ATP8A1: variants seen among roughly 807,000 people sequenced by gnomAD.
ATP8A1 encodes the protein ATPase phospholipid transporting 8A1.
In ATP8A1, 90 loss-of-function variants were observed where a neutral mutation model predicts 177.7. That is an observed-to-expected ratio of 0.51 (90% confidence interval 0.43 to 0.60). The LOEUF (loss-of-function observed/expected upper bound fraction) is 0.60. Among genes scored for constraint, ATP8A1 ranks in the 20% least tolerant of loss-of-function variants. The probability of loss-of-function intolerance (pLI) is 0.00; values close to 1 mark genes in which losing one functional copy is unlikely to be tolerated. For missense variants in ATP8A1, 1,072 were observed against 1,392.8 expected, an observed-to-expected ratio of 0.77 and a Z score of 3.67; for synonymous variants, 493 against 485.9, an observed-to-expected ratio of 1.01 and a Z score of -0.19.
At chr4:42,617,626 A>T (rs1477909433) in intron 4 of ATP8A1, among the ~76,000 whole-genome samples, 1 of 152,224 alleles carries the variant, frequency 6.6e-6, no homozygotes, top group Non-Finnish European at 1.5e-5. Context: ...AGATATTCAA[A>T]GGAGGCACAA....
intron 14 of ATP8A1, among the ~76,000 whole-genome samples, chr4:42,569,495 T>C (rs1731699680): frequency 6.6e-6 from 1 of 152,244 alleles, no homozygotes; most frequent in African/African-American, 2.4e-5. Flanking sequence ...GTAGGAATTA[T>C]TTCAACTTAG....
chr4:42,423,736 T>C, intron 33 of ATP8A1, 31 bp from the exon 34 acceptor site: 1 of 1,456,734 alleles, frequency 6.9e-7, no homozygotes, highest in Non-Finnish European at 9.5e-7. Flanking sequence ...AACATTACTT[T>C]AAAACCAAAA....
chr4:42,481,325 T>C (rs1404475726), intron 25 of ATP8A1, among the ~76,000 whole-genome samples: 1 of 152,186 alleles, frequency 6.6e-6, no homozygotes, highest in Non-Finnish European at 1.5e-5. Flanking sequence ...AGGGGGCATG[T>C]GTGTATTTCC....
At chr4:42,549,276 A>G (rs765967745) in intron 18 of ATP8A1, among the ~76,000 whole-genome samples, 1 of 152,212 alleles carries the variant, frequency 6.6e-6, no homozygotes, top group Non-Finnish European at 1.5e-5. Flanking sequence ...AAAACCAAAA[A>G]GTGTCACCGA....
intron 16 of ATP8A1, among the ~76,000 whole-genome samples, chr4:42,555,215 C>CCCCG (rs1292801110): frequency 8.0e-6 from 1 of 125,730 alleles, no homozygotes; most frequent in African/African-American, 2.8e-5. Flanking sequence ...GTTCTGCCCC[C>CCCCG]CCCTAGAGAA....
At chr4:42,647,440 C>T (rs2612522) in intron 1 of ATP8A1, among the ~76,000 whole-genome samples, 36,318 of 151,748 alleles carry the variant, frequency 0.24, 4,531 homozygotes, top group Non-Finnish European at 0.27. Flanking sequence ...ATTTAGAAAA[C>T]GTAGCACAAA....
intron 1 of ATP8A1, among the ~76,000 whole-genome samples, chr4:42,645,009 T>C (rs1394622591): frequency 4.6e-5 from 7 of 152,158 alleles, no homozygotes; most frequent in Admixed American, 1.3e-4. Flanking sequence ...AGCAACTAAT[T>C]ACTACAACAT....
At chr4:42,606,593 T>C (rs1308456983) in intron 5 of ATP8A1, among the ~76,000 whole-genome samples, 2 of 152,196 alleles carry the variant, frequency 1.3e-5, no homozygotes, top group Non-Finnish European at 2.9e-5. Flanking sequence ...CATCCTTGTC[T>C]TAGGCAGTGT....
chr4:42,583,300 T>C (rs765103833), intron 9 of ATP8A1, among the ~76,000 whole-genome samples: 1 of 152,238 alleles, frequency 6.6e-6, no homozygotes, highest in African/African-American at 2.4e-5. Context: ...TCATTCTTTA[T>C]GTACAATAGC....
At chr4:42,555,125 C>CT (rs572531592) in intron 16 of ATP8A1, among the ~76,000 whole-genome samples, 1 of 95,618 alleles carries the variant, frequency 1.0e-5, no homozygotes, top group Non-Finnish European at 2.1e-5. Context: ...ATCTATCTAT[C>CT]TATCTATCTA....
intron 35 of ATP8A1, 59 bp downstream of exon 35, chr4:42,422,748 C>T: frequency 7.4e-7 from 1 of 1,342,696 alleles, no homozygotes; most frequent in Non-Finnish European, 1.1e-6. Context: ...TTTCCAACCA[C>T]TAGTACAAGA....
chr4:42,546,726 C>A (rs1286132150), intron 19 of ATP8A1, among the ~76,000 whole-genome samples: 1 of 152,094 alleles, frequency 6.6e-6, no homozygotes, highest in Non-Finnish European at 1.5e-5. Context: ...TTTCTTCTCT[C>A]CTCACCATTA....
At chr4:42,609,846 A>AC (rs2109429466) in intron 5 of ATP8A1, among the ~76,000 whole-genome samples, 1 of 152,270 alleles carries the variant, frequency 6.6e-6, no homozygotes, top group South Asian at 2.1e-4. Context: ...GCCTATCCAT[A>AC]CTTTTCAGAA....
intron 14 of ATP8A1, among the ~76,000 whole-genome samples, chr4:42,570,743 T>G (rs548002690): frequency 2.0e-5 from 3 of 152,306 alleles, no homozygotes; most frequent in Admixed American, 1.3e-4. Context: ...TATCTGGCTT[T>G]TTGCCTTTGT....
At chr4:42,592,105 A>C (rs1041211361) in intron 6 of ATP8A1, among the ~76,000 whole-genome samples, 2 of 152,150 alleles carry the variant, frequency 1.3e-5, no homozygotes, top group African/African-American at 4.8e-5. Flanking sequence ...AAAATACTGA[A>C]AGGTGGTACT....
chr4:42,533,991 G>A (rs1022206735), intron 20 of ATP8A1, among the ~76,000 whole-genome samples: 1 of 152,114 alleles, frequency 6.6e-6, no homozygotes, highest in African/African-American at 2.4e-5. Flanking sequence ...CAAATCAAGG[G>A]AGTACTCCAT....
intron 5 of ATP8A1, among the ~76,000 whole-genome samples, chr4:42,613,418 A>T (rs1225979878): frequency 6.6e-6 from 1 of 152,098 alleles, no homozygotes; most frequent in Non-Finnish European, 1.5e-5. Flanking sequence ...CCCTTAAATA[A>T]ACTGGTGCAG....
intron 25 of ATP8A1, among the ~76,000 whole-genome samples, 179 bp from the exon 26 acceptor site, chr4:42,465,255 G>A (rs185851816): frequency 1.8e-3 from 281 of 152,276 alleles, no homozygotes; most frequent in South Asian, 5.4e-3. Context: ...CTGTATTAAG[G>A]AAAATTAAAA....
At chr4:42,493,321 A>C (rs6843278) in intron 24 of ATP8A1, among the ~76,000 whole-genome samples, 1 of 152,150 alleles carries the variant, frequency 6.6e-6, no homozygotes, top group African/African-American at 2.4e-5. Context: ...ATCAAACATT[A>C]TTCACCTTCT....
Sources: gnomAD v4.1 joint callset for allele counts (sites outside exome capture counted in the v4.1 genomes callset) on GRCh38, gnomAD v4.1.1 for gene constraint, MANE v1.5 for transcripts, NCBI Gene and HGNC (gene_info 2026-07-23, HGNC 2026-07-21) for gene names.